Variants in ADGRL2 observed in about 807,000 individuals in gnomAD.
ADGRL2 encodes the protein adhesion G protein-coupled receptor L2.
ADGRL2 carries 44 observed loss-of-function variants against 157.4 expected under a neutral mutation model. That is an observed-to-expected ratio of 0.28 (90% CI 0.22 to 0.36). ADGRL2 has a LOEUF of 0.36. Among genes scored for constraint, ADGRL2 ranks in the 10% least tolerant of loss-of-function variants. The pLI, the probability that ADGRL2 is intolerant of heterozygous loss-of-function variation, is 1.00. For missense variants in ADGRL2, 1,510 were observed against 1,768.9 expected (o/e 0.85, Z 2.63); for synonymous variants, 585 against 624.7 (o/e 0.94, Z 0.95).
chr1:81,462,309 G>T (rs951183515), intron 2 of ADGRL2, among the ~76,000 whole-genome samples: 1 of 152,210 alleles, frequency 6.6e-6, no homozygotes, highest in South Asian at 2.1e-4. Flanking sequence ...CTGCTCTGCT[G>T]CCCTTCTATG....
intron 1 of ADGRL2, among the ~76,000 whole-genome samples, chr1:81,391,626 T>G (rs1038307133): frequency 9.6e-5 from 4 of 41,850 alleles, no homozygotes; most frequent in Admixed American, 2.7e-4. Context: ...AGGTGCCCTT[T>G]GAACACGGCA....
chr1:81,739,405 T>C (rs2085001756), intron 1 of ADGRL2, among the ~76,000 whole-genome samples: 1 of 152,226 alleles, frequency 6.6e-6, no homozygotes. Context: ...AAATTATTCA[T>C]GGTTTGACAG....
intron 1 of ADGRL2, among the ~76,000 whole-genome samples, chr1:81,324,164 G>C (rs1273405245): frequency 6.6e-6 from 1 of 152,118 alleles, no homozygotes; most frequent in Non-Finnish European, 1.5e-5. Flanking sequence ...AGGTCATTAG[G>C]CTTCAAGCGG....
At chr1:81,883,374 T>G (rs1396326690) in intron 2 of ADGRL2, among the ~76,000 whole-genome samples, 1 of 152,186 alleles carries the variant, frequency 6.6e-6, no homozygotes, top group Non-Finnish European at 1.5e-5. Flanking sequence ...GTAGGAACAT[T>G]TGTGATCATG....
intron 3 of ADGRL2, among the ~76,000 whole-genome samples, chr1:81,591,132 T>G (rs182117450): frequency 2.0e-5 from 3 of 152,210 alleles, no homozygotes; most frequent in Non-Finnish European, 2.9e-5. Context: ...AGGATTGTCT[T>G]ATAAGGCATC....
At chr1:81,527,965 G>A (rs918030090) in intron 2 of ADGRL2, among the ~76,000 whole-genome samples, 3 of 151,830 alleles carry the variant, frequency 2.0e-5, no homozygotes, top group African/African-American at 7.3e-5. Flanking sequence ...TACTCGGGGG[G>A]CTGAGGCAGG....
chr1:81,581,029 A>C (rs938415439), intron 3 of ADGRL2: 1 of 152,096 alleles, frequency 6.6e-6, no homozygotes, highest in East Asian at 1.9e-4. Context: ...TTTAAGAAAA[A>C]TTTTCTCAGA....
intron 2 of ADGRL2, among the ~76,000 whole-genome samples, chr1:81,769,082 C>CA (rs61064275): frequency 0.15 from 21,892 of 149,268 alleles, 2,314 homozygotes; most frequent in East Asian, 0.54. Context: ...GACTCCATCT[C>CA]AAAAAAAAAA....
At chr1:81,639,458 C>T (rs568710070) in intron 3 of ADGRL2, among the ~76,000 whole-genome samples, 1 of 136,278 alleles carries the variant, frequency 7.3e-6, no homozygotes, top group Non-Finnish European at 1.5e-5. Context: ...AATCCTAACA[C>T]TTTGGGAGGT....
chr1:81,877,981 A>G (rs2093885939), intron 2 of ADGRL2, among the ~76,000 whole-genome samples: 1 of 152,196 alleles, frequency 6.6e-6, no homozygotes, highest in South Asian at 2.1e-4. Context: ...CTGGCTGGCA[A>G]TGTTTATTAT....
intron 3 of ADGRL2, among the ~76,000 whole-genome samples, chr1:81,907,545 C>CT (rs1007624392): frequency 2.0e-4 from 31 of 151,250 alleles, no homozygotes; most frequent in African/African-American, 6.3e-4. Flanking sequence ...ATTTGAAATA[C>CT]TTTTTGTAAC....
At position 81,968,031 on chromosome 1, in the gene ADGRL2, C is replaced by A; in HGVS notation, c.2355C>A (p.Asp785Glu). ...CTTGTCATTTTATTTCCCAGCCTGA[C>A]AATTATTTCAATGCAAACTGCTCCT... ...VLFTLPHIDP[D>E]NYFNANCSFW... Residue 785 changes from aspartate to glutamate, a missense_variant, in exon 14 of 24, where the codon GAC becomes GAA. Physicochemically the swap from Asp to Glu is conservative, Grantham distance 45 (BLOSUM62 2). Around this residue, in one of 4 missense-constraint regions of ADGRL2, gnomAD observed 497 missense variants for 627.2 expected, o/e 0.79. Transcript: ENST00000686636. The A allele has an allele frequency of 6.2e-7, 1 of 1,613,208 alleles. No individual in the cohort carries two copies. The highest frequency in any genetic ancestry group is 8.5e-7 in the Non-Finnish European group (1 of 1,179,278).
chr1:81,454,899 G>A (rs2077772016), intron 2 of ADGRL2, among the ~76,000 whole-genome samples: 1 of 152,144 alleles, frequency 6.6e-6, no homozygotes, highest in East Asian at 1.9e-4. Flanking sequence ...ATCAATAGGT[G>A]AGATTCCTTT....
intron 3 of ADGRL2, among the ~76,000 whole-genome samples, chr1:81,662,557 C>T (rs588230): frequency 0.55 from 79,792 of 146,400 alleles, 22,103 homozygotes; most frequent in African/African-American, 0.69. Context: ...TTCATTCTTT[C>T]TTTTTTTTTC....
intron 2 of ADGRL2, among the ~76,000 whole-genome samples, chr1:81,452,103 C>T (rs931634295): frequency 6.6e-6 from 1 of 152,050 alleles, no homozygotes; most frequent in African/African-American, 2.4e-5. Flanking sequence ...ACAAGACTGT[C>T]GTTTTTTTAT....
At chr1:81,571,522 A>T (rs959006210) in intron 2 of ADGRL2, among the ~76,000 whole-genome samples, 2 of 151,006 alleles carry the variant, frequency 1.3e-5, no homozygotes, top group African/African-American at 2.4e-5. Flanking sequence ...ATTTCACGTA[A>T]CTAAAATGAC....
At chr1:81,929,106 C>G (rs544811640) in intron 3 of ADGRL2, among the ~76,000 whole-genome samples, 3 of 152,234 alleles carry the variant, frequency 2.0e-5, no homozygotes, top group South Asian at 4.1e-4. Flanking sequence ...ATATACTGAG[C>G]TTTTCTGTTG....
intron 2 of ADGRL2, among the ~76,000 whole-genome samples, chr1:81,516,393 G>T (rs2079178898): frequency 6.6e-6 from 1 of 152,090 alleles, no homozygotes. Flanking sequence ...TGACTCAAAT[G>T]CACGTCTTGT....
chr1:81,399,421 A>C lies in ADGRL2; in HGVS notation c.-301-45615A>C, dbSNP rs539374154. On this transcript the variant is annotated intron_variant, in intron 1 of 24. Transcript: ENST00000370721. The stretch of plus-strand genomic sequence containing the variant: ...CTAGAAGTCCATAATACTAATAAAT[A>C]GTTGTTCACTTAGTGGTATCGCATA... Among the ~76,000 whole-genome samples the C allele has an allele frequency of 5.9e-5, 9 of 152,212 alleles. No individual in the cohort carries two copies. In the East Asian group the frequency reaches 1.7e-3, roughly 29 times the overall value.
Sources: gnomAD v4.1 joint callset for allele counts (sites outside exome capture counted in the v4.1 genomes callset) on GRCh38, gnomAD v4.1.1 for gene constraint, gnomAD v4.1.1 regional missense constraint, MANE v1.5 for transcripts, NCBI Gene and HGNC (gene_info 2026-07-23, HGNC 2026-07-21) for gene names.